MCTP2: variants seen among roughly 807,000 people sequenced by gnomAD.
The protein encoded by MCTP2 is multiple C2 and transmembrane domain-containing protein 2.
A neutral mutation model predicts 111.6 loss-of-function variants in MCTP2; 132 were observed. The observed-to-expected ratio is 1.18, with a 90% CI of 1.03 to 1.37. The LOEUF (loss-of-function observed/expected upper bound fraction) is 1.37. Among genes scored for constraint, MCTP2 ranks in the 40% most tolerant of loss-of-function variants. The pLI is 0.00. For missense variants in MCTP2, 1,183 were observed against 1,067.9 expected (o/e 1.11, Z -1.50); for synonymous variants, 395 against 387.7 (o/e 1.02, Z -0.22).
At chr15:94,249,454 G>C (rs931937173) in intron 1 of MCTP2, among the ~76,000 whole-genome samples, 1 of 151,828 alleles carries the variant, frequency 6.6e-6, no homozygotes, top group African/African-American at 2.4e-5. Context: ...ATGTTCAAGT[G>C]AATGACATCA....
In MCTP2 at chr15:94,400,601, CTT is replaced by C. The variant is rs34352208; in HGVS notation, c.1965+623_1965+624del. Among the ~76,000 whole-genome samples the C allele has an allele frequency of 9.5e-4, 130 of 136,490 alleles. 1 individual carries two copies. The Middle Eastern group carries it at 0.02, about 21-fold the overall frequency. 89.5% of individuals were successfully genotyped at this position (136,490 alleles called of 152,430 possible). On this transcript the variant is annotated intron_variant, in intron 16 of 22. Transcript: ENST00000357742. ...TCAGGGTCTGGTAGGGGAAGTTTCA[CTT>C]TTTTTTTTTTTTTTTTCCGTGACCT...
intron 4 of MCTP2, among the ~76,000 whole-genome samples, chr15:94,337,779 A>G (rs987467456): frequency 3.3e-5 from 5 of 152,032 alleles, no homozygotes; most frequent in Non-Finnish European, 7.3e-5. Flanking sequence ...GTGAGATTTG[A>G]CTATGTATAT....
chr15:94,337,415 C>T lies in MCTP2; in HGVS notation c.638-1875C>T, dbSNP rs527722297. 1.3e-4 allele frequency among the ~76,000 whole-genome samples: 20 copies of T among 152,190 alleles called. 1 individual carries two copies. In the South Asian group the frequency reaches 3.3e-3, roughly 25 times the overall value. ...TTTTGAGATGTTTATTTTGAGAGTACGCTGACAAGCATGAAGGCCTGATCC... is the reference window on the plus strand; with the variant it reads ...TTTTGAGATGTTTATTTTGAGAGTATGCTGACAAGCATGAAGGCCTGATCC... On this transcript the variant is annotated intron_variant, in intron 4 of 22. Transcript: ENST00000357742.
intron 1 of MCTP2, among the ~76,000 whole-genome samples, chr15:94,272,730 A>ATT (rs34173287): frequency 1.4e-4 from 21 of 151,048 alleles, no homozygotes; most frequent in South Asian, 4.2e-4. Flanking sequence ...ATAACACCAT[A>ATT]TTTTTTTTTC....
At chr15:94,474,500 C>T (rs1452724397) in intron 21 of MCTP2, among the ~76,000 whole-genome samples, 2 of 152,204 alleles carry the variant, frequency 1.3e-5, no homozygotes, top group Non-Finnish European at 2.9e-5. Flanking sequence ...ACAGCTAATA[C>T]ATGAAGCCAG....
intron 16 of MCTP2, 72 bp downstream of exon 16, chr15:94,400,067 C>T: frequency 1.5e-6 from 2 of 1,306,714 alleles, no homozygotes; most frequent in Non-Finnish European, 1.1e-6. Flanking sequence ...TAACACTTGC[C>T]TGTAATTTCT....
rs1360604908 is a variant in MCTP2 at position 94,241,647 on chromosome 15, G to GAT, written c.-66+9992_-66+9993dup. On this transcript the variant is annotated intron_variant, in intron 1 of 22. Coordinates refer to ENST00000357742, the MANE Select transcript of MCTP2 (RefSeq NM_001385001.1). ...TATTATGTGCTGATGTATGAATGCA[G>GAT]ATATATATATTTTTTTTCTGGAAAT... is the stretch of plus-strand genomic sequence containing the variant. Among the ~76,000 whole-genome samples the GAT allele has an allele frequency of 1.9e-4, 29 of 152,220 alleles. No homozygotes were observed. In the East Asian group the frequency reaches 3.9e-3, roughly 20 times the overall value.
chr15:94,383,958 C>A, intron 12 of MCTP2, 64 bp from the exon 13 acceptor site: 2 of 1,169,062 alleles, frequency 1.7e-6, no homozygotes, highest in South Asian at 1.3e-5. Context: ...GACTCTTGTT[C>A]ACATTGCCCT....
At chr15:94,272,201 G>A (rs926368353) in intron 1 of MCTP2, among the ~76,000 whole-genome samples, 2 of 151,564 alleles carry the variant, frequency 1.3e-5, no homozygotes, top group African/African-American at 2.4e-5. Context: ...GTATGTAATG[G>A]CTAAGACAAT....
intron 17 of MCTP2, among the ~76,000 whole-genome samples, chr15:94,406,573 A>C (rs1325641768): frequency 6.6e-6 from 1 of 152,226 alleles, no homozygotes; most frequent in African/African-American, 2.4e-5. Context: ...TAGCTCAGTT[A>C]TTTTATTCAC....
intron 12 of MCTP2, among the ~76,000 whole-genome samples, chr15:94,380,504 A>T (rs2080072310): frequency 6.6e-6 from 1 of 152,194 alleles, no homozygotes; most frequent in Admixed American, 6.5e-5. Flanking sequence ...ATGGTGGCTC[A>T]TGCCTGTAAT....
At chr15:94,412,548 A>G (rs2082200656) in intron 17 of MCTP2, among the ~76,000 whole-genome samples, 1 of 152,026 alleles carries the variant, frequency 6.6e-6, no homozygotes, top group Admixed American at 6.6e-5. Flanking sequence ...ATGATGATGA[A>G]CGGTGTTTTT....
At chr15:94,405,279 T>G (rs79237475) in intron 17 of MCTP2, among the ~76,000 whole-genome samples, 4,707 of 152,342 alleles carry the variant, frequency 0.031, 105 homozygotes, top group Middle Eastern at 0.054. Context: ...ATTAACTTTA[T>G]GTTCTAGACT....
chr15:94,259,959 TC>T (rs2073080860), intron 1 of MCTP2, among the ~76,000 whole-genome samples: 1 of 152,200 alleles, frequency 6.6e-6, no homozygotes, highest in African/African-American at 2.4e-5. Flanking sequence ...AATTGTCCTT[TC>T]CAGATCATAC....
intron 21 of MCTP2, among the ~76,000 whole-genome samples, chr15:94,473,336 C>T (rs1279484812): frequency 6.6e-6 from 1 of 152,156 alleles, no homozygotes; most frequent in African/African-American, 2.4e-5. Context: ...ATGAATGAGC[C>T]TGCAAGCTTA....
At chr15:94,374,845 T>C (rs1307616331) in intron 12 of MCTP2, among the ~76,000 whole-genome samples, 1 of 151,806 alleles carries the variant, frequency 6.6e-6, no homozygotes, top group Non-Finnish European at 1.5e-5. Flanking sequence ...AACAAAGCAA[T>C]CAGAGCAGCC....
chr15:94,315,415 A>C, intron 3 of MCTP2, 114 bp from the exon 4 acceptor site: 5 of 674,114 alleles, frequency 7.4e-6, no homozygotes, highest in East Asian at 2.7e-5. Flanking sequence ...TGGGGATGAC[A>C]GTCGATCATC....
At chr15:94,281,669 C>G (rs147462753) in intron 1 of MCTP2, among the ~76,000 whole-genome samples, 84 of 152,140 alleles carry the variant, frequency 5.5e-4, no homozygotes, top group African/African-American at 1.7e-3. Context: ...CTATGTACTT[C>G]AGTATATTTT....
Position 94,298,631 on chromosome 15 carries a change from G to A in MCTP2, c.366G>A (p.Glu122=). 6.2e-7 allele frequency: 1 copy of A among 1,614,134 alleles called. No individual in the cohort carries two copies. The highest frequency in any genetic ancestry group is 8.5e-7 in the Non-Finnish European group (1 of 1,180,030). ...ATGTGGTGGAAACAGACTCAGAGGA[G>A]GCCTATGCCTCTCCTGCTGAGCGGA... ...HLHVVETDSE[E]AYASPAERRR... Residue 122 remains glutamate (E), a synonymous_variant, in exon 2 of 23, where the codon GAG becomes GAA. Transcript: ENST00000357742.
Sources: gnomAD v4.1 joint callset for allele counts (sites outside exome capture counted in the v4.1 genomes callset) on GRCh38, gnomAD v4.1.1 for gene constraint, MANE v1.5 for transcripts, NCBI Gene and HGNC (gene_info 2026-07-23, HGNC 2026-07-21) for gene names.